PRPF18: variants seen among roughly 807,000 people sequenced by gnomAD.
PRPF18 encodes the protein pre-mRNA-splicing factor 18.
A neutral mutation model predicts 46.5 loss-of-function variants in PRPF18; 38 were observed. The ratio of observed to expected loss-of-function variants is 0.82; its 90% CI spans 0.63 to 1.07. The LOEUF (loss-of-function observed/expected upper bound fraction) is 1.07, where lower values mean the gene tolerates loss of function less well. PRPF18 is among the 50% of genes least tolerant of loss of function. The probability of loss-of-function intolerance (pLI) is 0.00; values close to 1 mark genes in which losing one functional copy is unlikely to be tolerated. For missense variants in PRPF18, 263 were observed against 410.0 expected, an observed-to-expected ratio of 0.64 and a Z score of 3.10; for synonymous variants, 152 against 146.7, an observed-to-expected ratio of 1.04 and a Z score of -0.26.
intron 3 of PRPF18, 97 bp downstream of exon 3, chr10:13,600,445 C>T (rs796589259): frequency 1.5e-5 from 13 of 840,414 alleles, no homozygotes; most frequent in East Asian, 3.0e-5. Flanking sequence ...TTATTTCCTG[C>T]GTAAAATGAC....
At chr10:13,609,872 C>T (rs2080246327) in intron 4 of PRPF18, among the ~76,000 whole-genome samples, 167 bp from the exon 5 acceptor site, 1 of 152,192 alleles carries the variant, frequency 6.6e-6, no homozygotes, top group African/African-American at 2.4e-5. Flanking sequence ...TTTAAATGGA[C>T]AGTAGTGATA....
chr10:13,590,637 A>T (rs1265805850), intron 1 of PRPF18, among the ~76,000 whole-genome samples: 1 of 148,232 alleles, frequency 6.7e-6, no homozygotes, highest in African/African-American at 2.5e-5. Context: ...AAAAAAAAAA[A>T]ATACTGACAT....
At position 13,630,510 on chromosome 10, in the gene PRPF18, T is replaced by C; in HGVS notation, c.*170T>C. The C allele has an allele frequency of 2.3e-6, 1 of 425,668 alleles. No homozygotes were observed. The allele number at this position is 425,668 out of a possible 1,614,324, so 26.4% of individuals were successfully genotyped here. A position where few individuals can be genotyped will look rare whatever the true frequency, so the allele number is the denominator to read the frequency against. On this transcript the variant is annotated 3_prime_UTR_variant, in exon 10 of 10. Coordinates refer to ENST00000378572, the MANE Select transcript of PRPF18 (RefSeq NM_003675.4). ...AAGAACTTTGTTGGCCTTCATTTCATATCTGACTGCAAGCTGATTTTTCTT... is the reference window on the plus strand; with the variant it reads ...AAGAACTTTGTTGGCCTTCATTTCACATCTGACTGCAAGCTGATTTTTCTT...
chr10:13,588,342 G>A (rs1270310803), intron 1 of PRPF18, among the ~76,000 whole-genome samples: 1 of 151,924 alleles, frequency 6.6e-6, no homozygotes, highest in East Asian at 1.9e-4. Flanking sequence ...GGGAGGCGGA[G>A]GTTGCCGTGA....
At chr10:13,634,045 G>A (rs1437353260), downstream of PRPF18, among the ~76,000 whole-genome samples, 2 of 152,212 alleles carry the variant, frequency 1.3e-5, no homozygotes, top group African/African-American at 2.4e-5. Flanking sequence ...TTCTGGTGGT[G>A]TGGAATAGCT....
rs748484151 is a variant in PRPF18 at position 13,630,369 on chromosome 10, A to G, written c.*29A>G. The G allele has an allele frequency of 2.6e-6, 4 of 1,547,178 alleles. No homozygotes were observed. In the Middle Eastern group the frequency reaches 5.1e-4, roughly 195 times the overall value. ...CTGTGTATGGTGTGTTAATAACAAT[A>G]AGAAACTTAGGGAAGCAGGCTGTGG... On this transcript the variant is annotated 3_prime_UTR_variant, in exon 10 of 10. Transcript: ENST00000378572.
At chr10:13,594,258 T>G (rs974132652) in intron 1 of PRPF18, among the ~76,000 whole-genome samples, 2 of 152,264 alleles carry the variant, frequency 1.3e-5, no homozygotes, top group Non-Finnish European at 2.9e-5. Context: ...AAAGTGACAT[T>G]GTTTTAGAAA....
chr10:13,651,671 TCAAAA>T, the PRPF18 span: 1 of 531,124 alleles, frequency 1.9e-6, no homozygotes, highest in Non-Finnish European at 3.4e-6. Context: ...AGACTCTGTC[TCAAAA>T]CAAAACATAC....
chr10:13,627,420 C>T (rs939584688), intron 9 of PRPF18, among the ~76,000 whole-genome samples: 2 of 152,050 alleles, frequency 1.3e-5, no homozygotes, highest in African/African-American at 4.8e-5. Context: ...AATAAAAAGC[C>T]AATTAAAAAT....
At chr10:13,646,598 A>C in the PRPF18 span, 1 of 152,304 alleles carries the variant, frequency 6.6e-6, no homozygotes, top group Non-Finnish European at 1.5e-5. Context: ...TTCTCTCCCA[A>C]CGCTACTTAT....
chr10:13,651,691 G>A, the PRPF18 span: 24 of 570,278 alleles, frequency 4.2e-5, no homozygotes, highest in Non-Finnish European at 6.9e-5. Flanking sequence ...ACATACTCTG[G>A]GGGTCTTTTC....
chr10:13,593,628 G>C (rs1342728206), intron 1 of PRPF18, among the ~76,000 whole-genome samples: 1 of 152,214 alleles, frequency 6.6e-6, no homozygotes, highest in African/African-American at 2.4e-5. Flanking sequence ...AATATGCGAA[G>C]GAGAAAACAG....
At chr10:13,626,803 A>AT (rs56355221) in intron 9 of PRPF18, among the ~76,000 whole-genome samples, 59,814 of 149,582 alleles carry the variant, frequency 0.4, 12,347 homozygotes, top group African/African-American at 0.47. Flanking sequence ...GAATCGTGTG[A>AT]TTTTTTTTTT....
At chr10:13,638,841 C>T in the PRPF18 span, 8 of 152,022 alleles carry the variant, frequency 5.3e-5, no homozygotes, top group African/African-American at 1.7e-4. Context: ...ATTTGGGTAC[C>T]GTCTTCCCCA....
chr10:13,600,211 G>A, intron 2 of PRPF18, 33 bp from the exon 3 acceptor site: 1 of 1,486,276 alleles, frequency 6.7e-7, no homozygotes, highest in Non-Finnish European at 9.2e-7. Context: ...TATTTTTAAA[G>A]CTGAATTTCA....
At chr10:13,606,749 A>G (rs927843519) in intron 4 of PRPF18, among the ~76,000 whole-genome samples, 1 of 150,490 alleles carries the variant, frequency 6.6e-6, no homozygotes, top group African/African-American at 2.5e-5. Flanking sequence ...AAAAAAAAAA[A>G]AAAAAAAAAC....
chr10:13,623,795 A>G (rs1026820031), intron 9 of PRPF18, among the ~76,000 whole-genome samples: 1 of 152,220 alleles, frequency 6.6e-6, no homozygotes, highest in Non-Finnish European at 1.5e-5. Context: ...TTCTCCGGAT[A>G]TAAAGAACTT....
rs2079884373 is a variant in PRPF18, at chr10:13,587,158, G to A, written c.66+6G>A. On this transcript the variant is annotated splice_donor_region_variant and intron_variant, in intron 1 of 9. Coordinates refer to ENST00000378572, the MANE Select transcript of PRPF18 (RefSeq NM_003675.4). Reference sequence around the variant, plus strand: ...AGGACAGGAACCTGCTGGTGGTGAGGACCCTGCGGTCGTGGGGGTCGGGAT... The same window carrying A: ...AGGACAGGAACCTGCTGGTGGTGAGAACCCTGCGGTCGTGGGGGTCGGGAT... The A allele has an allele frequency of 6.2e-7, 1 of 1,612,416 alleles. No individual in the cohort carries two copies. Among genetic ancestry groups the A allele is most frequent in the South Asian group, 1.1e-5 (1 of 91,048 alleles).
chr10:13,601,259 A>G (rs535968600), intron 3 of PRPF18, among the ~76,000 whole-genome samples: 30 of 152,272 alleles, frequency 2.0e-4, no homozygotes, highest in African/African-American at 7.2e-4. Flanking sequence ...TATTTTTAAG[A>G]CTTGATATAT....
Sources: gnomAD v4.1 joint callset for allele counts (sites outside exome capture counted in the v4.1 genomes callset) on GRCh38, gnomAD v4.1.1 for gene constraint, MANE v1.5 for transcripts, NCBI Gene and HGNC (gene_info 2026-07-23, HGNC 2026-07-21) for gene names.